The following MACROH2A2 variants were observed in gnomAD, a reference collection of about 807,000 sequenced individuals.
The protein encoded by MACROH2A2 is macroH2A.2 histone, also known as core histone macro-H2A.2.
Under a neutral mutation model 37.6 loss-of-function variants are expected in MACROH2A2, and 6 were observed. The ratio of observed to expected loss-of-function variants is 0.16; its 90% CI spans 0.09 to 0.32. MACROH2A2 has a LOEUF of 0.32. Among genes scored for constraint, MACROH2A2 ranks in the 10% least tolerant of loss-of-function variants. The probability of loss-of-function intolerance (pLI) is 1.00; values close to 1 mark genes in which losing one functional copy is unlikely to be tolerated. For missense variants in MACROH2A2, 290 were observed against 485.9 expected, an observed-to-expected ratio of 0.60 and a Z score of 3.79; for synonymous variants, 192 against 202.7, an observed-to-expected ratio of 0.95 and a Z score of 0.45.
intron 2 of MACROH2A2, among the ~76,000 whole-genome samples, chr10:70,081,690 G>A (rs1048440925): frequency 6.6e-6 from 1 of 152,118 alleles, no homozygotes; most frequent in African/African-American, 2.4e-5. Flanking sequence ...TTGAGAAGTG[G>A]GAGGTATGGA....
intron 2 of MACROH2A2, among the ~76,000 whole-genome samples, chr10:70,081,709 CAG>C (rs2072177587): frequency 6.6e-6 from 1 of 151,988 alleles, no homozygotes; most frequent in African/African-American, 2.4e-5. Context: ...GACTGGGAGA[CAG>C]AGGGGGTGGG....
chr10:70,111,674 C>T lies in MACROH2A2; in HGVS notation c.1110C>T (p.Asp370=), dbSNP rs149157989. The change falls in exon 9 of 9, where the codon GAC becomes GAT. Residue 370 remains aspartate, a synonymous_variant. Coordinates refer to ENST00000373255, the MANE Select transcript of MACROH2A2 (RefSeq NM_018649.3). ...ACGTGCAGGAGATGGCCAAGCTCGA[C>T]GCCAAGTAGCCGCCGCACTTTCCAG... The part of the protein sequence containing the change: ...GIYVQEMAKL[D]AK 54 of 1,605,284 alleles carry T rather than the reference C, an allele frequency of 3.4e-5. No individual in the cohort carries two copies. The East Asian group carries it at 4.3e-4, about 13-fold the overall frequency.
rs375251282 is a variant in MACROH2A2 at position 70,093,850 on chromosome 10, C to T, written c.588+5C>T. On this transcript the variant is annotated splice_donor_5th_base_variant and intron_variant, in intron 5 of 8. Coordinates refer to ENST00000373255, the MANE Select transcript of MACROH2A2 (RefSeq NM_018649.3). ...AGCCTTGTTCTGGGACAGAAGGTAA[C>T]AAAGAGAATTGCCTTGTGCTATATT... 2.7e-5 allele frequency: 39 copies of T among 1,471,574 alleles called. No homozygotes were observed. The highest frequency in any genetic ancestry group is 1.7e-4 in the Middle Eastern group (1 of 5,826). The allele number at this position is 1,471,574 out of a possible 1,614,324, so 91.2% of individuals were successfully genotyped here.
intron 1 of MACROH2A2, among the ~76,000 whole-genome samples, chr10:70,063,875 A>G (rs2072063376): frequency 6.6e-6 from 1 of 152,212 alleles, no homozygotes; most frequent in South Asian, 2.1e-4. Flanking sequence ...GTCACAGGGG[A>G]AGCCACAACT....
At chr10:70,092,880 G>A (rs2072254106) in intron 4 of MACROH2A2, among the ~76,000 whole-genome samples, 1 of 152,158 alleles carries the variant, frequency 6.6e-6, no homozygotes, top group Non-Finnish European at 1.5e-5. Context: ...CAGGTGTTTG[G>A]CATATACTTG....
At chr10:70,080,907 A>C (rs1371320758) in intron 2 of MACROH2A2, among the ~76,000 whole-genome samples, 12 of 149,290 alleles carry the variant, frequency 8.0e-5, no homozygotes, top group African/African-American at 2.7e-4. Flanking sequence ...AAAAAAAAAA[A>C]AAAAAACCTA....
In MACROH2A2 at chr10:70,111,661, T is replaced by C. The variant is rs1368876367; in HGVS notation, c.1097T>C (p.Met366Thr). Residue 366 changes from methionine (M) to threonine (T), a missense_variant, in exon 9 of 9, where the codon ATG (methionine) becomes ACG (threonine). Met to Thr is a moderately conservative substitution (Grantham distance 81, BLOSUM62 -1). Around this residue, in one of 3 missense-constraint regions of MACROH2A2, gnomAD observed 130 missense variants for 257.1 expected, o/e 0.51. Coordinates refer to ENST00000373255, the MANE Select transcript of MACROH2A2 (RefSeq NM_018649.3). ...AGCATCGGCATCTACGTGCAGGAGATGGCCAAGCTCGACGCCAAGTAGCCG... is the reference window on the plus strand; with the variant it reads ...AGCATCGGCATCTACGTGCAGGAGACGGCCAAGCTCGACGCCAAGTAGCCG... ...SESIGIYVQEMAKLDAK is the reference protein window; with the variant it reads ...SESIGIYVQETAKLDAK The C allele has an allele frequency of 6.2e-7, 1 of 1,609,438 alleles. No individual in the cohort carries two copies. The highest frequency in any genetic ancestry group is 2.2e-5 in the East Asian group (1 of 44,710).
intron 1 of MACROH2A2, among the ~76,000 whole-genome samples, chr10:70,063,914 G>A (rs2072063765): frequency 6.6e-6 from 1 of 152,236 alleles, no homozygotes; most frequent in South Asian, 2.1e-4. Flanking sequence ...GAACTGCGGC[G>A]AAGGTGGGGA....
At chr10:70,072,287 T>TA (rs1276660745) in intron 1 of MACROH2A2, among the ~76,000 whole-genome samples, 3 of 151,650 alleles carry the variant, frequency 2.0e-5, no homozygotes, top group Admixed American at 1.3e-4. Flanking sequence ...AAACTTCTGT[T>TA]AAAAAAAATA....
At chr10:70,110,669 G>T (rs1398220915) in intron 8 of MACROH2A2, among the ~76,000 whole-genome samples, 1 of 151,654 alleles carries the variant, frequency 6.6e-6, no homozygotes, top group Non-Finnish European at 1.5e-5. Flanking sequence ...AGGATCATTT[G>T]AGGCCAGGAG....
intron 1 of MACROH2A2, among the ~76,000 whole-genome samples, chr10:70,060,237 G>T (rs545465827): frequency 1.6e-3 from 236 of 152,180 alleles, no homozygotes; most frequent in African/African-American, 5.5e-3. Flanking sequence ...GGGCACAGTG[G>T]TGGGCGCCTA....
At chr10:70,061,630 G>T (rs1213026277) in intron 1 of MACROH2A2, among the ~76,000 whole-genome samples, 1 of 152,096 alleles carries the variant, frequency 6.6e-6, no homozygotes. Flanking sequence ...CCTCTAGAGT[G>T]ACCACACATG....
chr10:70,101,339 T>A (rs1424982499), intron 7 of MACROH2A2, among the ~76,000 whole-genome samples: 1 of 152,160 alleles, frequency 6.6e-6, no homozygotes, highest in East Asian at 1.9e-4. Flanking sequence ...TTCTTTTAAC[T>A]CAAGATACAA....
rs183931187 is a variant in MACROH2A2, at chr10:70,057,123, T to C, written c.-60+4123T>C. Among the ~76,000 whole-genome samples the C allele has an allele frequency of 2.3e-3, 347 of 152,298 alleles. 1 individual carries two copies. Among genetic ancestry groups the C allele is most frequent in the Non-Finnish European group, 3.5e-3 (235 of 68,024 alleles). On this transcript the variant is annotated intron_variant, in intron 1 of 8. Coordinates refer to ENST00000373255, the MANE Select transcript of MACROH2A2 (RefSeq NM_018649.3). ...AACAAAATATTTAAGGCTGGTTTCA[T>C]TTATTCAAACACTAGTTGAAGGAAT... is the stretch of plus-strand genomic sequence containing the variant.
chr10:70,063,329 TTCCTC>T (rs1435280869), intron 1 of MACROH2A2, among the ~76,000 whole-genome samples: 2 of 152,232 alleles, frequency 1.3e-5, no homozygotes, highest in Non-Finnish European at 1.5e-5. Context: ...TTTCCTTTCT[TTCCTC>T]TCCTCCCATC....
intron 6 of MACROH2A2, chr10:70,099,227 C>T (rs2072292979): frequency 6.6e-6 from 1 of 152,426 alleles, no homozygotes; most frequent in African/African-American, 2.4e-5. Flanking sequence ...ACGCCCTCCC[C>T]CAGTGGACAG....
intron 2 of MACROH2A2, among the ~76,000 whole-genome samples, chr10:70,081,059 CCT>C (rs1329135495): frequency 7.4e-6 from 1 of 135,046 alleles, no homozygotes; most frequent in African/African-American, 2.9e-5. Flanking sequence ...CAAGCAAGGC[CCT>C]GTCTCTCAAA....
intron 7 of MACROH2A2, among the ~76,000 whole-genome samples, chr10:70,105,329 C>T (rs534340609): frequency 5.9e-5 from 9 of 152,266 alleles, no homozygotes; most frequent in African/African-American, 1.9e-4. Context: ...TACAACCAGG[C>T]GGGGACCCCA....
intron 1 of MACROH2A2, among the ~76,000 whole-genome samples, chr10:70,072,203 TTC>T (rs2072114990): frequency 6.6e-6 from 1 of 152,022 alleles, no homozygotes; most frequent in Admixed American, 6.5e-5. Context: ...ATAAGCATTT[TTC>T]TTTTTTTATT....
Sources: gnomAD v4.1 joint callset for allele counts (sites outside exome capture counted in the v4.1 genomes callset) on GRCh38, gnomAD v4.1.1 for gene constraint, gnomAD v4.1.1 regional missense constraint, MANE v1.5 for transcripts, NCBI Gene and HGNC (gene_info 2026-07-23, HGNC 2026-07-21) for gene names.